Variants in ZFC3H1 observed in about 807,000 individuals in gnomAD.
ZFC3H1 encodes zinc finger C3H1-type containing, also known as zinc finger C3H1 domain-containing protein.
In ZFC3H1, 71 loss-of-function variants were observed where a neutral mutation model predicts 243.7. The observed-to-expected ratio is 0.29, with a 90% confidence interval of 0.24 to 0.36. The LOEUF (loss-of-function observed/expected upper bound fraction) is 0.36, where lower values mean the gene tolerates loss of function less well. Ranked by LOEUF, ZFC3H1 falls within the 10% of genes least tolerant of loss-of-function variation. The pLI, the probability that ZFC3H1 is intolerant of heterozygous loss-of-function variation, is 1.00. For missense variants in ZFC3H1, 1,966 were observed against 2,317.1 expected (o/e 0.85, Z 3.11); for synonymous variants, 838 against 813.0 (o/e 1.03, Z -0.52).
intron 5 of ZFC3H1, among the ~76,000 whole-genome samples, chr12:71,643,624 T>C (rs1253149787): frequency 6.6e-6 from 1 of 152,148 alleles, no homozygotes; most frequent in Non-Finnish European, 1.5e-5. Flanking sequence ...AGTATATTTA[T>C]ATACATAGTA....
At chr12:71,654,807 T>C (rs1176310246) in intron 2 of ZFC3H1, among the ~76,000 whole-genome samples, 1 of 152,168 alleles carries the variant, frequency 6.6e-6, no homozygotes, top group African/African-American at 2.4e-5. Flanking sequence ...ACCAGCTCTA[T>C]ACTATGTACA....
At chr12:71,611,237 T>C in intron 32 of ZFC3H1, 140 bp from the exon 33 acceptor site, 1 of 835,866 alleles carries the variant, frequency 1.2e-6, no homozygotes, top group Non-Finnish European at 1.7e-6. Flanking sequence ...GTTAACAGGC[T>C]AAACTTCCAA....
At chr12:71,661,043 C>A (rs1881158821) in intron 1 of ZFC3H1, among the ~76,000 whole-genome samples, 1 of 151,872 alleles carries the variant, frequency 6.6e-6, no homozygotes, top group Non-Finnish European at 1.5e-5. Context: ...GTGGCTCATG[C>A]CTGTAATCCC....
chr12:71,611,148 T>C, intron 32 of ZFC3H1, 51 bp from the exon 33 acceptor site: 1 of 1,488,346 alleles, frequency 6.7e-7, no homozygotes, highest in Non-Finnish European at 8.9e-7. Flanking sequence ...AAGAAAAATT[T>C]ATATATCTTT....
intron 6 of ZFC3H1, 92 bp from the exon 7 acceptor site, chr12:71,638,607 GGT>G (rs1880525712): frequency 1.1e-5 from 11 of 1,026,964 alleles, no homozygotes; most frequent in Non-Finnish European, 1.5e-5. Flanking sequence ...AATACATCTA[GGT>G]GGAGTGCAAA....
At chr12:71,643,492 C>T (rs1880651969) in intron 5 of ZFC3H1, among the ~76,000 whole-genome samples, 1 of 151,854 alleles carries the variant, frequency 6.6e-6, no homozygotes, top group Non-Finnish European at 1.5e-5. Context: ...AACGAATTTA[C>T]TCTTTAATAT....
chr12:71,614,123 G>T lies in ZFC3H1; in HGVS notation c.5526+412C>A, dbSNP rs191258361. ...TTGCTTGACAAAATATTAACAAAGAGAGCAGCTACAATGTATAAGTCCATT... is the reference window on the plus strand; with the variant it reads ...TTGCTTGACAAAATATTAACAAAGATAGCAGCTACAATGTATAAGTCCATT... On this transcript the variant is annotated intron_variant, in intron 30 of 34. Coordinates refer to ENST00000378743, the MANE Select transcript of ZFC3H1 (RefSeq NM_144982.5). 4.2e-4 allele frequency among the ~76,000 whole-genome samples: 64 copies of T among 152,176 alleles called. No individual in the cohort carries two copies. The East Asian group carries it at 0.011, about 26-fold the overall frequency.
At chr12:71,621,048 G>T (rs2137521682) in intron 24 of ZFC3H1, among the ~76,000 whole-genome samples, 1 of 151,820 alleles carries the variant, frequency 6.6e-6, no homozygotes, top group African/African-American at 2.4e-5. Context: ...ATTTCTTCTT[G>T]CCTCTGCTTC....
intron 6 of ZFC3H1, chr12:71,639,475 TCAG>T: frequency 1.7e-5 from 1 of 58,890 alleles, no homozygotes. Context: ...TGTTTAATAG[TCAG>T]ACACTTGATG....
At chr12:71,636,799 C>T (rs371120134) in intron 8 of ZFC3H1, 51 bp downstream of exon 8, 93 of 1,596,964 alleles carry the variant, frequency 5.8e-5, no homozygotes, top group African/African-American at 2.7e-4. Context: ...GTAGGACTAC[C>T]GTAAAGCTAA....
In ZFC3H1 at chr12:71,630,888, A is replaced by T; in HGVS notation, c.3537T>A (p.Ile1179=). The change falls in exon 17 of 35, where the codon ATT becomes ATA. Residue 1179 remains isoleucine (I), a synonymous_variant. Transcript: ENST00000378743. The part of the protein sequence containing the change: ...PLSSVSYSNM[I]EPDQCFCRFD... ...AACGGCAGAAACACTGATCCGGTTC[A>T]ATCATATTACTGTATGATACTGAGC... The T allele has an allele frequency of 6.2e-7, 1 of 1,613,588 alleles. No homozygotes were observed. The highest frequency in any genetic ancestry group is 2.2e-5 in the East Asian group (1 of 44,788).
chr12:71,636,800 G>T (rs372880388), intron 8 of ZFC3H1, 50 bp downstream of exon 8: 2 of 1,597,556 alleles, frequency 1.3e-6, no homozygotes, highest in Non-Finnish European at 1.7e-6. Flanking sequence ...TAGGACTACC[G>T]TAAAGCTAAG....
chr12:71,634,753 G>T lies in ZFC3H1; in HGVS notation c.2311C>A (p.Pro771Thr). 2 of 1,600,526 alleles carry T rather than the reference G, an allele frequency of 1.2e-6. No homozygotes were observed. Among genetic ancestry groups the T allele is most frequent in the Non-Finnish European group, 1.7e-6 (2 of 1,174,310 alleles). Reference protein sequence around the residue: ...NDPLRTPEALPEEKKIEYRLL... With the variant: ...NDPLRTPEALTEEKKIEYRLL... ...CTATATTCAATCTTCTTTTCTTCAG[G>T]CAAAGCCTCCGGTGTTCGCAGAGGA... The change falls in exon 11 of 35, where the codon CCT (proline) becomes ACT (threonine). Residue 771 changes from proline (P) to threonine (T), a missense_variant. This residue lies in a region of ZFC3H1 where 1,383 missense variants were observed against 1,723.7 expected (regional missense o/e 0.80). Transcript: ENST00000378743.
At chr12:71,625,229 T>C (rs1462000685) in intron 22 of ZFC3H1, among the ~76,000 whole-genome samples, 1 of 152,166 alleles carries the variant, frequency 6.6e-6, no homozygotes, top group African/African-American at 2.4e-5. Flanking sequence ...TCCAAATCTA[T>C]TTGGTTCACA....
At chr12:71,649,678 G>T (rs900675454) in intron 2 of ZFC3H1, among the ~76,000 whole-genome samples, 1 of 152,082 alleles carries the variant, frequency 6.6e-6, no homozygotes, top group Non-Finnish European at 1.5e-5. Flanking sequence ...CAACAGAATA[G>T]TAATAACTAT....
chr12:71,609,858 A>G lies in ZFC3H1; in HGVS notation c.*570T>C, dbSNP rs1879724781. 1 of 152,620 alleles carries G rather than the reference A, an allele frequency of 6.6e-6. No homozygotes were observed. Among genetic ancestry groups the G allele is most frequent in the Non-Finnish European group, 1.5e-5 (1 of 68,046 alleles). The allele number at this position is 152,620 out of a possible 1,614,324, so 9.5% of individuals were successfully genotyped here. ...AGTCCAGAACGTAGAAAGGGTAATA[A>G]ACAACCCTGATAGAGCATTCAAGTG... On this transcript the variant is annotated 3_prime_UTR_variant, in exon 35 of 35. Transcript: ENST00000378743.
chr12:71,633,080 T>G, intron 13 of ZFC3H1, 63 bp from the exon 14 acceptor site: 1 of 1,513,030 alleles, frequency 6.6e-7, no homozygotes, highest in Non-Finnish European at 8.9e-7. Context: ...AATTTCTTCT[T>G]CTCAAACACC....
At chr12:71,648,572 T>G (rs1022211269) in intron 2 of ZFC3H1, among the ~76,000 whole-genome samples, 1 of 152,212 alleles carries the variant, frequency 6.6e-6, no homozygotes, top group East Asian at 1.9e-4. Flanking sequence ...ATTTTAAGTC[T>G]GGTGTTTTTA....
At chr12:71,631,604 G>A (rs1021591957) in intron 16 of ZFC3H1, among the ~76,000 whole-genome samples, 174 bp downstream of exon 16, 1 of 152,126 alleles carries the variant, frequency 6.6e-6, no homozygotes, top group African/African-American at 2.4e-5. Flanking sequence ...ATCCAAGAGT[G>A]TGGTTTGAGC....
Sources: gnomAD v4.1 joint callset for allele counts (sites outside exome capture counted in the v4.1 genomes callset) on GRCh38, gnomAD v4.1.1 for gene constraint, gnomAD v4.1.1 regional missense constraint, MANE v1.5 for transcripts, NCBI Gene and HGNC (gene_info 2026-07-23, HGNC 2026-07-21) for gene names.